Variants in LYPLA1 observed in about 807,000 individuals in gnomAD.
LYPLA1 encodes the protein lysophospholipase 1.
In LYPLA1, 17 loss-of-function variants were observed where a neutral mutation model predicts 34.0. That is an observed-to-expected ratio of 0.50 (90% CI 0.34 to 0.75). The LOEUF (loss-of-function observed/expected upper bound fraction) is 0.75. Ranked by LOEUF, LYPLA1 falls within the 30% of genes least tolerant of loss-of-function variation. The pLI is 0.01. For synonymous variants in LYPLA1, 98 were observed against 100.8 expected (o/e 0.97, Z 0.17); for missense variants, 203 against 288.8 (o/e 0.70, Z 2.15).
chr8:54,084,634 T>C (rs963017669), intron 2 of LYPLA1, among the ~76,000 whole-genome samples: 6 of 151,362 alleles, frequency 4.0e-5, no homozygotes, highest in African/African-American at 1.5e-4. Flanking sequence ...TCAACAAAAA[T>C]GGCAAACCTT....
intron 5 of LYPLA1, among the ~76,000 whole-genome samples, chr8:54,061,393 A>G (rs1279029732): frequency 4.6e-5 from 7 of 152,134 alleles, no homozygotes; most frequent in Non-Finnish European, 8.8e-5. Context: ...CCAAAACTAT[A>G]TAAACATTCT....
intron 2 of LYPLA1, among the ~76,000 whole-genome samples, chr8:54,091,627 G>T (rs559360288): frequency 1.4e-5 from 2 of 140,774 alleles, no homozygotes; most frequent in Non-Finnish European, 3.2e-5. Flanking sequence ...GAAGGAAGGA[G>T]AAATACTAAG....
chr8:54,090,213 C>G (rs972320465), intron 2 of LYPLA1, among the ~76,000 whole-genome samples: 2 of 152,224 alleles, frequency 1.3e-5, no homozygotes, highest in African/African-American at 4.8e-5. Context: ...CATCTTGCCA[C>G]GGTTCTTCTA....
chr8:54,049,314 G>A (rs988264646), intron 8 of LYPLA1, among the ~76,000 whole-genome samples: 4 of 152,172 alleles, frequency 2.6e-5, no homozygotes, highest in Non-Finnish European at 4.4e-5. Context: ...TCAAGTGATC[G>A]CACCTTCTAC....
At chr8:54,051,266 T>A in intron 7 of LYPLA1, 78 bp from the exon 8 acceptor site, 3 of 1,179,768 alleles carry the variant, frequency 2.5e-6, no homozygotes, top group East Asian at 2.6e-5. Flanking sequence ...AAATTGTACA[T>A]AAATATGCAT....
chr8:54,062,133 C>T, intron 5 of LYPLA1, 121 bp downstream of exon 5: 1 of 654,584 alleles, frequency 1.5e-6, no homozygotes, highest in Middle Eastern at 2.5e-4. Context: ...ACTGGGATTA[C>T]AGGCGTGAGC....
intron 2 of LYPLA1, among the ~76,000 whole-genome samples, chr8:54,079,608 G>A (rs991287963): frequency 1.3e-5 from 2 of 152,120 alleles, no homozygotes; most frequent in Non-Finnish European, 2.9e-5. Context: ...ATTGAGACCA[G>A]CCTGGGCAAT....
chr8:54,101,152 G>C (rs1257045417), intron 1 of LYPLA1, among the ~76,000 whole-genome samples: 3 of 150,904 alleles, frequency 2.0e-5, no homozygotes, highest in Non-Finnish European at 4.4e-5. Flanking sequence ...GAATGGGGGG[G>C]GGGTAGCACT....
At chr8:54,050,866 TAC>T in intron 8 of LYPLA1, 144 bp downstream of exon 8, 1 of 739,044 alleles carries the variant, frequency 1.4e-6, no homozygotes, top group Non-Finnish European at 2.2e-6. Context: ...TTAAGTTGAA[TAC>T]ACACTCATCT....
intron 2 of LYPLA1, among the ~76,000 whole-genome samples, chr8:54,070,926 G>C (rs1807414794): frequency 6.6e-6 from 1 of 152,154 alleles, no homozygotes; most frequent in African/African-American, 2.4e-5. Context: ...ATTGACTGTG[G>C]TGATGGTTGC....
intron 2 of LYPLA1, among the ~76,000 whole-genome samples, chr8:54,069,430 T>C (rs1296082661): frequency 1.3e-5 from 2 of 152,112 alleles, no homozygotes; most frequent in African/African-American, 4.8e-5. Context: ...AAAAAAAACT[T>C]TGGCCAGGCA....
intron 2 of LYPLA1, among the ~76,000 whole-genome samples, chr8:54,094,329 G>GTGA (rs1316790903): frequency 6.6e-6 from 1 of 152,158 alleles, no homozygotes; most frequent in Non-Finnish European, 1.5e-5. Context: ...GCTTTCAGGT[G>GTGA]TGATATTCAG....
chr8:54,059,028 G>A (rs1413333965), intron 5 of LYPLA1, among the ~76,000 whole-genome samples: 3 of 152,318 alleles, frequency 2.0e-5, no homozygotes, highest in Middle Eastern at 3.4e-3. Context: ...GAGGAAAGAA[G>A]TAACAAGTAT....
chr8:54,084,141 A>AATATATATATATAT (rs760476706), intron 2 of LYPLA1, among the ~76,000 whole-genome samples: 1 of 118,622 alleles, frequency 8.4e-6, no homozygotes, highest in African/African-American at 4.6e-5. Flanking sequence ...AAAATAAATA[A>AATATATATATATAT]ATATATATAT....
chr8:54,082,794 T>C (rs1808414048), intron 2 of LYPLA1, among the ~76,000 whole-genome samples: 1 of 152,244 alleles, frequency 6.6e-6, no homozygotes, highest in East Asian at 1.9e-4. Context: ...TGGCGCGATC[T>C]CGGCTCACTG....
At chr8:54,075,975 TG>T (rs1359966631) in intron 2 of LYPLA1, among the ~76,000 whole-genome samples, 1 of 152,186 alleles carries the variant, frequency 6.6e-6, no homozygotes, top group Non-Finnish European at 1.5e-5. Flanking sequence ...TCAGTCTGTG[TG>T]CCACGGTCAC....
At chr8:54,090,149 C>T (rs1241708409) in intron 2 of LYPLA1, among the ~76,000 whole-genome samples, 5 of 152,202 alleles carry the variant, frequency 3.3e-5, no homozygotes, top group South Asian at 2.1e-4. Flanking sequence ...AGCCTATAAA[C>T]GGACGCATTG....
intron 5 of LYPLA1, among the ~76,000 whole-genome samples, chr8:54,061,635 G>A (rs1246440268): frequency 5.3e-5 from 8 of 152,072 alleles, no homozygotes; most frequent in South Asian, 2.1e-4. Flanking sequence ...AAAACCTGGC[G>A]GGGCATGGTG....
In LYPLA1 at chr8:54,067,175, A is replaced by C. The variant is rs963526048; in HGVS notation, c.102-1362T>G. Among the ~76,000 whole-genome samples the C allele has an allele frequency of 3.3e-5, 5 of 152,234 alleles. No individual in the cohort carries two copies. In the East Asian group the frequency reaches 9.7e-4, roughly 29 times the overall value. Reference sequence around the variant, plus strand: ...CAGAGTGAGACTCCATCTCAAAATAAATAAATAAGTGAGTAAATAAAATAA... The same window carrying C: ...CAGAGTGAGACTCCATCTCAAAATACATAAATAAGTGAGTAAATAAAATAA... On this transcript the variant is annotated intron_variant, in intron 2 of 8. Coordinates refer to ENST00000316963, the MANE Select transcript of LYPLA1 (RefSeq NM_006330.4).
Sources: gnomAD v4.1 joint callset for allele counts (sites outside exome capture counted in the v4.1 genomes callset) on GRCh38, gnomAD v4.1.1 for gene constraint, MANE v1.5 for transcripts, NCBI Gene and HGNC (gene_info 2026-07-23, HGNC 2026-07-21) for gene names.